Variants in HPSE2 observed in about 807,000 individuals in gnomAD.
HPSE2 encodes inactive heparanase-2.
Under a neutral mutation model 60.5 loss-of-function variants are expected in HPSE2, and 38 were observed. The ratio of observed to expected loss-of-function variants is 0.63; its 90% CI spans 0.48 to 0.82. The LOEUF (loss-of-function observed/expected upper bound fraction) is 0.82. HPSE2 is among the 40% of genes least tolerant of loss of function. The pLI, the probability that HPSE2 is intolerant of heterozygous loss-of-function variation, is 0.00. For missense variants in HPSE2, 713 were observed against 740.4 expected, an observed-to-expected ratio of 0.96 and a Z score of 0.43; for synonymous variants, 295 against 293.2, an observed-to-expected ratio of 1.01 and a Z score of -0.06.
intron 3 of HPSE2, among the ~76,000 whole-genome samples, chr10:98,837,409 G>A (rs1473415855): frequency 4.6e-5 from 7 of 152,138 alleles, no homozygotes; most frequent in African/African-American, 1.7e-4. Context: ...AATGGGGCAG[G>A]CATCAGAAAA....
At chr10:99,103,334 C>T (rs1214879591) in intron 3 of HPSE2, among the ~76,000 whole-genome samples, 1 of 152,034 alleles carries the variant, frequency 6.6e-6, no homozygotes, top group Admixed American at 6.5e-5. Flanking sequence ...TCTTATACAC[C>T]AATAACAGAC....
At chr10:98,766,066 A>C (rs976947549) in intron 3 of HPSE2, among the ~76,000 whole-genome samples, 3 of 152,138 alleles carry the variant, frequency 2.0e-5, no homozygotes, top group Non-Finnish European at 4.4e-5. Flanking sequence ...GAGACATACA[A>C]ATTACCAGTA....
chr10:98,611,069 C>A (rs1945742569), intron 9 of HPSE2, among the ~76,000 whole-genome samples: 1 of 151,838 alleles, frequency 6.6e-6, no homozygotes, highest in Non-Finnish European at 1.5e-5. Flanking sequence ...TGGAGACTCA[C>A]ACGTCCCCAT....
intron 3 of HPSE2, among the ~76,000 whole-genome samples, chr10:98,949,050 A>T (rs1955272790): frequency 6.6e-6 from 1 of 152,038 alleles, no homozygotes; most frequent in African/African-American, 2.4e-5. Context: ...CTGCACGGGG[A>T]GTTGGTGCCC....
intron 3 of HPSE2, among the ~76,000 whole-genome samples, chr10:99,117,488 A>T (rs1266474841): frequency 1.3e-5 from 2 of 150,738 alleles, no homozygotes; most frequent in Non-Finnish European, 3.0e-5. Context: ...ACAAATAAAG[A>T]AGAGAGAAGA....
At chr10:98,694,093 T>C in intron 5 of HPSE2, 146 bp from the exon 6 acceptor site, 2 of 699,674 alleles carry the variant, frequency 2.9e-6, no homozygotes, top group Non-Finnish European at 5.1e-6. Flanking sequence ...AATCATGGCC[T>C]AGACACAGCT....
intron 4 of HPSE2, among the ~76,000 whole-genome samples, chr10:98,743,399 G>C (rs1328983405): frequency 6.6e-6 from 1 of 152,192 alleles, no homozygotes; most frequent in Non-Finnish European, 1.5e-5. Context: ...TTTGCAACAA[G>C]ACTTCTTATA....
At chr10:99,077,225 G>A (rs897528828) in intron 3 of HPSE2, among the ~76,000 whole-genome samples, 1 of 152,146 alleles carries the variant, frequency 6.6e-6, no homozygotes, top group Non-Finnish European at 1.5e-5. Flanking sequence ...GTCTGTTAGG[G>A]CTCCTGGATC....
chr10:99,039,987 T>C (rs1957700658), intron 3 of HPSE2, among the ~76,000 whole-genome samples: 1 of 152,230 alleles, frequency 6.6e-6, no homozygotes, highest in Non-Finnish European at 1.5e-5. Context: ...AAACTATATG[T>C]AACTGCTGTT....
chr10:98,683,275 T>C (rs943442967), intron 6 of HPSE2, among the ~76,000 whole-genome samples: 1 of 151,042 alleles, frequency 6.6e-6, no homozygotes, highest in Non-Finnish European at 1.5e-5. Context: ...GAGGAAAAGG[T>C]TTAAAGTCAA....
chr10:98,975,724 T>C (rs912924639), intron 3 of HPSE2, among the ~76,000 whole-genome samples: 1 of 152,152 alleles, frequency 6.6e-6, no homozygotes, highest in Non-Finnish European at 1.5e-5. Context: ...AGCAAGTAGA[T>C]GTAAGTGTAG....
At chr10:99,273,711 A>C in the HPSE2 span, among the ~76,000 whole-genome samples, 1 of 152,220 alleles carries the variant, frequency 6.6e-6, no homozygotes, top group Non-Finnish European at 1.5e-5. Context: ...TAAAATGGGC[A>C]GAAGGACAGA....
rs764187291 is a variant in HPSE2 at position 99,235,613 on chromosome 10, C to G, written c.190G>C (p.Asp64His). 5.6e-6 allele frequency: 9 copies of G among 1,614,070 alleles called. No individual in the cohort carries two copies. The South Asian group carries it at 9.9e-5, about 18-fold the overall frequency. ...GLKEKTLILL[D>H]VSTKNPVRTV... ...CTGACTGGGTTCTTGGTGCTCACAT[C>G]AAGTAGAATCAGGGTCTTTTCCTTC... Residue 64 changes from aspartate to histidine, a missense_variant, in exon 1 of 12, where the codon GAT becomes CAT. Physicochemically the swap from Asp to His is moderately conservative, Grantham distance 81 (BLOSUM62 -1). Transcript: ENST00000370552.
chr10:99,234,539 A>C (rs1849775831), intron 1 of HPSE2, among the ~76,000 whole-genome samples: 1 of 152,166 alleles, frequency 6.6e-6, no homozygotes, highest in Admixed American at 6.5e-5. Flanking sequence ...TCGACATTGC[A>C]GAGGATTTAT....
intron 3 of HPSE2, among the ~76,000 whole-genome samples, chr10:98,969,898 G>A (rs961602730): frequency 6.6e-6 from 1 of 152,236 alleles, no homozygotes; most frequent in African/African-American, 2.4e-5. Context: ...ATGGGAGAAG[G>A]TGAAGGGAGA....
At chr10:98,877,634 CAAAT>C (rs1952913841) in intron 3 of HPSE2, among the ~76,000 whole-genome samples, 1 of 151,730 alleles carries the variant, frequency 6.6e-6, no homozygotes, top group Non-Finnish European at 1.5e-5. Context: ...AGGAATGTGA[CAAAT>C]AATAAGTAGG....
chr10:98,577,417 A>G (rs1030489529), intron 9 of HPSE2, among the ~76,000 whole-genome samples: 1 of 152,198 alleles, frequency 6.6e-6, no homozygotes, highest in Non-Finnish European at 1.5e-5. Flanking sequence ...TACAAAGTGA[A>G]TAACCCTCAC....
chr10:98,744,968 C>T (rs1018321062), intron 3 of HPSE2, among the ~76,000 whole-genome samples: 7 of 152,230 alleles, frequency 4.6e-5, no homozygotes, highest in South Asian at 2.1e-4. Context: ...TTTGGGAGGC[C>T]GAGGCGGGTG....
chr10:99,228,521 T>C (rs999044256), intron 2 of HPSE2, among the ~76,000 whole-genome samples: 1 of 152,084 alleles, frequency 6.6e-6, no homozygotes, highest in Admixed American at 6.6e-5. Context: ...AAAATAAACT[T>C]AAGAACAGAA....
Sources: gnomAD v4.1 joint callset for allele counts (sites outside exome capture counted in the v4.1 genomes callset) on GRCh38, gnomAD v4.1.1 for gene constraint, MANE v1.5 for transcripts, NCBI Gene and HGNC (gene_info 2026-07-23, HGNC 2026-07-21) for gene names.